The following SMTNL1 variants were observed in gnomAD, a reference collection of about 807,000 sequenced individuals.
SMTNL1 encodes smoothelin-like protein 1.
In SMTNL1, 41 loss-of-function variants were observed where a neutral mutation model predicts 46.6. That is an observed-to-expected ratio of 0.88 (90% CI 0.69 to 1.14). The LOEUF is 1.14. Among genes scored for constraint, SMTNL1 ranks in the 50% most tolerant of loss-of-function variants. The probability of loss-of-function intolerance (pLI) is 0.00; values close to 1 mark genes in which losing one functional copy is unlikely to be tolerated. For synonymous variants in SMTNL1, 234 were observed against 234.2 expected, an observed-to-expected ratio of 1.00 and a Z score of 0.01; for missense variants, 591 against 626.1, an observed-to-expected ratio of 0.94 and a Z score of 0.60.
chr11:57,549,789 G>A (rs530925077), intron 7 of SMTNL1, among the ~76,000 whole-genome samples, 179 bp from the exon 8 acceptor site: 1 of 152,244 alleles, frequency 6.6e-6, no homozygotes, highest in East Asian at 1.9e-4. Flanking sequence ...TAACTCTGTT[G>A]GGGTCTCAGT....
intron 1 of SMTNL1, among the ~76,000 whole-genome samples, chr11:57,540,715 C>CTTTTT (rs370179940): frequency 0.073 from 10,555 of 144,798 alleles, 457 homozygotes; most frequent in Middle Eastern, 0.22. Context: ...CATCTTCCCT[C>CTTTTT]TTTTTTTTTT....
Position 57,543,750 on chromosome 11 carries a change from A to G in SMTNL1, c.859A>G (p.Ser287Gly). 1 of 1,559,354 alleles carries G rather than the reference A, an allele frequency of 6.4e-7. No individual in the cohort carries two copies. ...CCCCACTGGGGAGGGGCACAACCTC[A>G]GCACAGGTGAGTGAGAGCCCAGAGC... ...ESPTGEGHNL[S>G]TDGLGPDCVA... The change falls in exon 3 of 8, where the codon AGC becomes GGC. Residue 287 changes from serine (S) to glycine (G), a missense_variant. Physicochemically the swap from Ser to Gly is moderately conservative, Grantham distance 56 (BLOSUM62 0). Coordinates refer to ENST00000527972, the MANE Select transcript of SMTNL1 (RefSeq NM_001105565.3).
At chr11:57,544,061 AG>A in intron 4 of SMTNL1, 141 bp downstream of exon 4, 1 of 921,026 alleles carries the variant, frequency 1.1e-6, no homozygotes, top group South Asian at 1.6e-5. Context: ...TTCCTATCCC[AG>A]GGCAGAGCCC....
intron 4 of SMTNL1, 88 bp from the exon 5 acceptor site, chr11:57,545,793 A>AC: frequency 1.1e-6 from 1 of 902,110 alleles, no homozygotes. Flanking sequence ...CTGCAGTGCC[A>AC]CCCACCCTCC....
At chr11:57,539,763 G>A (rs961607109) in intron 1 of SMTNL1, among the ~76,000 whole-genome samples, 11 of 152,146 alleles carry the variant, frequency 7.2e-5, no homozygotes, top group African/African-American at 1.2e-4. Context: ...GGCATGTGCC[G>A]CCACGTCTGG....
intron 7 of SMTNL1, among the ~76,000 whole-genome samples, chr11:57,546,854 C>T (rs1016022110): frequency 1.3e-5 from 2 of 152,188 alleles, no homozygotes; most frequent in African/African-American, 4.8e-5. Context: ...CTGCTTGAGT[C>T]AAGCGCAGTG....
At chr11:57,541,727 C>T (rs1781398929) in intron 1 of SMTNL1, among the ~76,000 whole-genome samples, 1 of 152,120 alleles carries the variant, frequency 6.6e-6, no homozygotes, top group Admixed American at 6.5e-5. Flanking sequence ...ATCTGCACTG[C>T]CTATATTCCA....
chr11:57,545,408 C>T (rs968743123), intron 4 of SMTNL1, among the ~76,000 whole-genome samples: 4 of 151,652 alleles, frequency 2.6e-5, no homozygotes, highest in Admixed American at 2.6e-4. Flanking sequence ...TGTTTGAGAC[C>T]AGCCTGGCCA....
rs1211116364 is a variant in SMTNL1, at chr11:57,543,384, G to A, written c.732+10G>A. On this transcript the variant is annotated intron_variant, in intron 2 of 7. Coordinates refer to ENST00000527972, the MANE Select transcript of SMTNL1 (RefSeq NM_001105565.3). ...GGATGCAGAGGAGGCAGTGAGTGAGGCAGGAAAGGAGCAAGGAGGCTCTGT... is the reference window on the plus strand; with the variant it reads ...GGATGCAGAGGAGGCAGTGAGTGAGACAGGAAAGGAGCAAGGAGGCTCTGT... The A allele has an allele frequency of 6.2e-7, 1 of 1,611,190 alleles. No individual in the cohort carries two copies. The highest frequency in any genetic ancestry group is 8.5e-7 in the Non-Finnish European group (1 of 1,178,244).
intron 1 of SMTNL1, chr11:57,541,409 C>A: frequency 8.9e-7 from 1 of 1,129,430 alleles, no homozygotes; most frequent in Non-Finnish European, 1.2e-6. Context: ...CATGAAGGAG[C>A]TAACCCGGGG....
rs1162688034 is a variant in SMTNL1, at chr11:57,543,020, G to A, written c.378G>A (p.Glu126=). 1 of 1,603,158 alleles carries A rather than the reference G, an allele frequency of 6.2e-7. No homozygotes were observed. Among genetic ancestry groups the A allele is most frequent in the Non-Finnish European group, 8.5e-7 (1 of 1,174,882 alleles). ...EETKSEPKEA[E]EKESTLASEK... is the part of the protein sequence containing the mutation. ...CCAAATCTGAACCCAAAGAGGCTGA[G>A]GAAAAGGAGAGCACGCTGGCCTCTG... Residue 126 remains glutamate (E), a synonymous_variant, in exon 2 of 8, where the codon GAG becomes GAA. Transcript: ENST00000527972.
intron 1 of SMTNL1, chr11:57,541,636 T>G: frequency 7.6e-7 from 1 of 1,322,350 alleles, no homozygotes; most frequent in South Asian, 1.2e-5. Context: ...CTGGTAGAGC[T>G]GGCAAAGCTC....
intron 2 of SMTNL1, 91 bp downstream of exon 2, chr11:57,543,465 G>C: frequency 6.5e-7 from 1 of 1,537,842 alleles, no homozygotes; most frequent in Non-Finnish European, 8.7e-7. Flanking sequence ...GGAAAGTCCA[G>C]TTTTCCTCCT....
Position 57,546,218 on chromosome 11 carries a change from C to T in SMTNL1, c.1074-15C>T, listed in dbSNP as rs768071023. The T allele has an allele frequency of 1.3e-6, 2 of 1,580,990 alleles. No individual in the cohort carries two copies. Among genetic ancestry groups the T allele is most frequent in the African/African-American group, 1.3e-5 (1 of 74,286 alleles). ...TGCCTCTCTGGCTTGGCCTTGCACC[C>T]CTCTCCCCTCACAGGGCAGCTTCCG... is the stretch of plus-strand genomic sequence containing the variant. On this transcript the variant is annotated splice_polypyrimidine_tract_variant and intron_variant, in intron 5 of 7. Transcript: ENST00000527972.
chr11:57,538,199 C>T (rs924370459), intron 1 of SMTNL1, among the ~76,000 whole-genome samples: 3 of 152,068 alleles, frequency 2.0e-5, no homozygotes, highest in Non-Finnish European at 4.4e-5. Context: ...AAGGGAGGGC[C>T]CCTGGCTGAG....
intron 1 of SMTNL1, among the ~76,000 whole-genome samples, chr11:57,540,525 A>G (rs763332364): frequency 7.9e-5 from 12 of 152,332 alleles, no homozygotes; most frequent in African/African-American, 2.9e-4. Flanking sequence ...AGTTTTCCAC[A>G]GAACACAATG....
chr11:57,546,418 G>C, intron 6 of SMTNL1, 71 bp downstream of exon 6: 2 of 1,555,008 alleles, frequency 1.3e-6, no homozygotes, highest in Non-Finnish European at 1.7e-6. Flanking sequence ...AAACCCCAAA[G>C]GGTGGGAGGG....
At chr11:57,538,403 C>T (rs1215909540) in intron 1 of SMTNL1, among the ~76,000 whole-genome samples, 1 of 151,994 alleles carries the variant, frequency 6.6e-6, no homozygotes, top group Non-Finnish European at 1.5e-5. Flanking sequence ...GCTTTGGACA[C>T]AAAACAGGGA....
At chr11:57,541,266 T>C (rs566122246) in intron 1 of SMTNL1, among the ~76,000 whole-genome samples, 22 of 152,292 alleles carry the variant, frequency 1.4e-4, no homozygotes, top group African/African-American at 4.8e-4. Flanking sequence ...CTGAGAAAGA[T>C]GGTACTGCCA....
Sources: gnomAD v4.1 joint callset for allele counts (sites outside exome capture counted in the v4.1 genomes callset) on GRCh38, gnomAD v4.1.1 for gene constraint, MANE v1.5 for transcripts, NCBI Gene and HGNC (gene_info 2026-07-23, HGNC 2026-07-21) for gene names.